The following BARX2 variants were observed in gnomAD, a reference collection of about 807,000 sequenced individuals.
BARX2 encodes BARX homeobox 2.
In BARX2, 11 loss-of-function variants were observed where a neutral mutation model predicts 25.5. The ratio of observed to expected loss-of-function variants is 0.43; its 90% CI spans 0.27 to 0.71. The LOEUF is 0.71. BARX2 is among the 30% of genes least tolerant of loss of function. The probability of loss-of-function intolerance (pLI) is 0.19; values close to 1 mark genes in which losing one functional copy is unlikely to be tolerated. For synonymous variants in BARX2, 137 were observed against 149.5 expected (o/e 0.92, Z 0.61); for missense variants, 360 against 359.9 (o/e 1.00, Z 0.00).
At chr11:129,385,771 T>G (rs1374765880) in intron 1 of BARX2, among the ~76,000 whole-genome samples, 1 of 152,250 alleles carries the variant, frequency 6.6e-6, no homozygotes, top group Non-Finnish European at 1.5e-5. Flanking sequence ...AATGACATTA[T>G]TCTTTGTACT....
chr11:129,426,063 A>C (rs1377695178), intron 1 of BARX2, among the ~76,000 whole-genome samples: 1 of 146,482 alleles, frequency 6.8e-6, no homozygotes, highest in East Asian at 2.0e-4. Flanking sequence ...TCAGCCTTTG[A>C]GTTGGCCTCT....
Position 129,418,988 on chromosome 11 carries a change from G to A in BARX2, c.188-17763G>A, listed in dbSNP as rs898213197. On this transcript the variant is annotated intron_variant, in intron 1 of 3. Coordinates refer to ENST00000281437, the MANE Select transcript of BARX2 (RefSeq NM_003658.5). ...GTTTGCACGTTCTCTCCATGTCTGC[G>A]TGGGTTTTCTCTGGGTCCTTCAGTT... Among the ~76,000 whole-genome samples the A allele has an allele frequency of 9.9e-5, 15 of 152,206 alleles. 1 individual carries two copies. In the East Asian group the frequency reaches 2.1e-3, roughly 21 times the overall value.
intron 1 of BARX2, among the ~76,000 whole-genome samples, chr11:129,433,966 A>G (rs1862157959): frequency 6.6e-6 from 1 of 152,158 alleles, no homozygotes; most frequent in Non-Finnish European, 1.5e-5. Flanking sequence ...GTAGATGCTC[A>G]GTAAATATTC....
upstream of BARX2, among the ~76,000 whole-genome samples, chr11:129,375,605 G>A (rs1861492817): frequency 6.6e-6 from 1 of 151,944 alleles, no homozygotes; most frequent in African/African-American, 2.4e-5. This position sits in a 1 kb window ranked among gnomAD's most constrained non-coding sequence, Gnocchi z 4.0. Context: ...AGGGGGAGGA[G>A]AGCCAAAACG....
intron 1 of BARX2, among the ~76,000 whole-genome samples, chr11:129,395,012 T>C (rs1439504039): frequency 6.6e-6 from 1 of 151,892 alleles, no homozygotes; most frequent in Non-Finnish European, 1.5e-5. Flanking sequence ...ACTCGGAGGC[T>C]TGCAATGCCT....
intron 1 of BARX2, among the ~76,000 whole-genome samples, chr11:129,421,218 T>A (rs773639383): frequency 2.9e-4 from 44 of 152,326 alleles, no homozygotes; most frequent in Non-Finnish European, 4.0e-4. Context: ...CTTATTATAG[T>A]AGTGTCTTCA....
At position 129,436,970 on chromosome 11, in the gene BARX2, G is replaced by A. The variant is rs1463787553; in HGVS notation, c.407G>A (p.Ser136Asn). 1 of 1,611,098 alleles carries A rather than the reference G, an allele frequency of 6.2e-7. No homozygotes were observed. The highest frequency in any genetic ancestry group is 1.3e-5 in the African/African-American group (1 of 74,902). ...PTPRQKKPRRSRTIFTELQLM... is the reference protein window; with the variant it reads ...PTPRQKKPRRNRTIFTELQLM... ...CCCCGACAGAAGAAGCCCCGCCGGAGTCGCACCATCTTCACCGAGCTGCAG... is the reference window on the plus strand; with the variant it reads ...CCCCGACAGAAGAAGCCCCGCCGGAATCGCACCATCTTCACCGAGCTGCAG... Residue 136 changes from serine to asparagine, a missense_variant, in exon 2 of 4, where the codon AGT becomes AAT. Transcript: ENST00000281437. The surrounding 1 kb of genome is among the most constrained non-coding windows in gnomAD (Gnocchi z 4.5).
At chr11:129,421,913 T>C (rs941842215) in intron 1 of BARX2, among the ~76,000 whole-genome samples, 1 of 152,242 alleles carries the variant, frequency 6.6e-6, no homozygotes, top group Non-Finnish European at 1.5e-5. Context: ...TCTTAAACTT[T>C]TACCTGTTGC....
intron 1 of BARX2, among the ~76,000 whole-genome samples, chr11:129,377,929 A>G (rs1861520440): frequency 6.6e-6 from 1 of 152,240 alleles, no homozygotes; most frequent in East Asian, 1.9e-4. Context: ...GAGGAGTAAT[A>G]AATAGCTGCA....
intron 1 of BARX2, among the ~76,000 whole-genome samples, chr11:129,415,444 G>GT (rs5795670): frequency 0.26 from 39,032 of 152,016 alleles, 5,244 homozygotes; most frequent in East Asian, 0.36. Flanking sequence ...TAGGCAGCAA[G>GT]TTTTCTTCAT....
At chr11:129,439,236 G>T (rs1229709676) in intron 2 of BARX2, among the ~76,000 whole-genome samples, 2 of 152,118 alleles carry the variant, frequency 1.3e-5, no homozygotes, top group Admixed American at 1.3e-4. Flanking sequence ...TGAATTAAAG[G>T]GTGGCAGTGG....
At chr11:129,416,589 G>A (rs1861945659) in intron 1 of BARX2, among the ~76,000 whole-genome samples, 1 of 152,134 alleles carries the variant, frequency 6.6e-6, no homozygotes, top group Non-Finnish European at 1.5e-5. Flanking sequence ...GGAGTTTGTT[G>A]ATATGTTGGG....
intron 1 of BARX2, among the ~76,000 whole-genome samples, chr11:129,396,874 G>C (rs1411343472): frequency 6.6e-6 from 1 of 152,148 alleles, no homozygotes; most frequent in East Asian, 1.9e-4. Flanking sequence ...CCAGCTCATG[G>C]ATTTTACATC....
At chr11:129,434,421 T>TAAAAAAAAAAAAAAAAAAAAAAAAAAA (rs56344103) in intron 1 of BARX2, among the ~76,000 whole-genome samples, 2 of 76,378 alleles carry the variant, frequency 2.6e-5, no homozygotes, top group Admixed American at 1.9e-4. Context: ...AAAAAGTAAG[T>TAAAAAAAAAAAAAAAAAAAAAAAAAAA]AAAAAAAAAA....
chr11:129,396,110 C>T (rs1327153255), intron 1 of BARX2, among the ~76,000 whole-genome samples: 2 of 152,264 alleles, frequency 1.3e-5, no homozygotes, highest in African/African-American at 2.4e-5. Flanking sequence ...TGCATGACAT[C>T]GACTGTCTCT....
intron 1 of BARX2, among the ~76,000 whole-genome samples, chr11:129,423,646 T>C (rs1303652907): frequency 6.6e-6 from 1 of 152,328 alleles, no homozygotes; most frequent in South Asian, 2.1e-4. Context: ...TCAAAACTTA[T>C]GTGAAAAGGC....
rs775404756 is a variant in BARX2 at position 129,436,815 on chromosome 11, C to T, written c.252C>T (p.Ser84=). Residue 84 remains serine (S), a synonymous_variant, in exon 2 of 4, where the codon TCC becomes TCT. Transcript: ENST00000281437. The surrounding 1 kb of genome is among the most constrained non-coding windows in gnomAD (Gnocchi z 4.5). ...TCACCCGCCAGCCCACTGTCATCTCCCACCTGGTCCCTGCCACCCCGGGAA... is the reference window on the plus strand; with the variant it reads ...TCACCCGCCAGCCCACTGTCATCTCTCACCTGGTCCCTGCCACCCCGGGAA... ...SVITRQPTVI[S]HLVPATPGIA... The T allele has an allele frequency of 1.9e-6, 3 of 1,613,672 alleles. No individual in the cohort carries two copies. The Admixed American group carries it at 5.0e-5, about 27-fold the overall frequency.
intron 1 of BARX2, among the ~76,000 whole-genome samples, chr11:129,391,319 A>C (rs553616562): frequency 6.6e-6 from 1 of 152,356 alleles, no homozygotes; most frequent in East Asian, 1.9e-4. Context: ...GTGTCCGTAC[A>C]TAAAAATGTT....
At chr11:129,408,205 T>C (rs1446987566) in intron 1 of BARX2, among the ~76,000 whole-genome samples, 1 of 152,050 alleles carries the variant, frequency 6.6e-6, no homozygotes, top group Non-Finnish European at 1.5e-5. Context: ...GCTAAAGAGA[T>C]TGGATTCCTG....
Sources: allele counts gnomAD v4.1 joint callset (sites outside exome capture counted in the v4.1 genomes callset), GRCh38; gene constraint gnomAD v4.1.1; non-coding constraint Gnocchi (gnomAD v3.1); transcripts MANE v1.5; gene names NCBI Gene and HGNC (gene_info 2026-07-23, HGNC 2026-07-21).